The following CNTN5 variants were observed in gnomAD, a reference collection of about 807,000 sequenced individuals.
CNTN5 encodes contactin-5.
Under a neutral mutation model 129.1 loss-of-function variants are expected in CNTN5, and 77 were observed. That is an observed-to-expected ratio of 0.60 (90% CI 0.50 to 0.72). CNTN5 has a LOEUF of 0.72. CNTN5 is among the 30% of genes least tolerant of loss of function. The pLI is 0.00. For missense variants in CNTN5, 1,478 were observed against 1,328.8 expected (o/e 1.11, Z -1.75); for synonymous variants, 509 against 465.6 (o/e 1.09, Z -1.20).
chr11:99,322,642 G>A (rs1267203023), intron 1 of CNTN5, among the ~76,000 whole-genome samples: 1 of 152,004 alleles, frequency 6.6e-6, no homozygotes, highest in Non-Finnish European at 1.5e-5. Flanking sequence ...AACACATTAA[G>A]AATAGAAAAT....
At chr11:99,694,572 A>C (rs115767208) in intron 3 of CNTN5, among the ~76,000 whole-genome samples, 1 of 152,098 alleles carries the variant, frequency 6.6e-6, no homozygotes, top group Non-Finnish European at 1.5e-5. Context: ...CAGAATATGC[A>C]GGTTTGTTAC....
At chr11:100,260,665 C>T (rs987950504) in intron 17 of CNTN5, among the ~76,000 whole-genome samples, 1 of 152,118 alleles carries the variant, frequency 6.6e-6, no homozygotes, top group African/African-American at 2.4e-5. Flanking sequence ...AAACATAATC[C>T]ATCACATAAA....
chr11:100,112,723 T>C (rs904388768), intron 13 of CNTN5, among the ~76,000 whole-genome samples: 1 of 152,160 alleles, frequency 6.6e-6, no homozygotes, highest in Non-Finnish European at 1.5e-5. Context: ...CATTTTGAGA[T>C]TGATAAAATG....
chr11:100,033,661 A>G (rs1045751779), intron 9 of CNTN5, among the ~76,000 whole-genome samples: 1 of 152,164 alleles, frequency 6.6e-6, no homozygotes, highest in Non-Finnish European at 1.5e-5. Context: ...TTCATTGTCT[A>G]TATGCCTCTA....
At chr11:99,083,072 A>G (rs1865873277) in intron 1 of CNTN5, among the ~76,000 whole-genome samples, 1 of 152,106 alleles carries the variant, frequency 6.6e-6, no homozygotes, top group African/African-American at 2.4e-5. Flanking sequence ...AAGACATTAG[A>G]TAAAGCCAGA....
chr11:100,127,511 T>G (rs1279424927), intron 13 of CNTN5, among the ~76,000 whole-genome samples: 1 of 152,066 alleles, frequency 6.6e-6, no homozygotes, highest in Non-Finnish European at 1.5e-5. Flanking sequence ...TGATGGAGTT[T>G]TCATTCCCTG....
chr11:99,789,183 A>G (rs1591181693), intron 3 of CNTN5, among the ~76,000 whole-genome samples: 1 of 151,966 alleles, frequency 6.6e-6, no homozygotes, highest in Non-Finnish European at 1.5e-5. Flanking sequence ...AGATATAAAA[A>G]CAATACAAAT....
At chr11:99,976,428 A>G (rs1937977871) in intron 8 of CNTN5, among the ~76,000 whole-genome samples, 1 of 152,144 alleles carries the variant, frequency 6.6e-6, no homozygotes, top group Non-Finnish European at 1.5e-5. Flanking sequence ...TCCCCTTTGC[A>G]TTGCCCAGTA....
chr11:100,224,942 T>A, intron 16 of CNTN5, 130 bp downstream of exon 16: 1 of 927,024 alleles, frequency 1.1e-6, no homozygotes, highest in South Asian at 3.3e-5. Context: ...ATATGTTATT[T>A]TCGCTTAACC....
intron 2 of CNTN5, among the ~76,000 whole-genome samples, chr11:99,336,834 A>T (rs1040310443): frequency 5.9e-5 from 9 of 152,136 alleles, no homozygotes; most frequent in South Asian, 2.1e-4. Flanking sequence ...TCTCAAAAAA[A>T]AAGAAAAAAA....
At chr11:99,185,193 G>T (rs1220709593) in intron 1 of CNTN5, among the ~76,000 whole-genome samples, 1 of 151,766 alleles carries the variant, frequency 6.6e-6, no homozygotes, top group Non-Finnish European at 1.5e-5. Context: ...GTAATATTTG[G>T]AAGGATATTG....
intron 2 of CNTN5, among the ~76,000 whole-genome samples, chr11:99,409,966 C>T (rs371083261): frequency 6.6e-6 from 1 of 152,080 alleles, no homozygotes; most frequent in East Asian, 1.9e-4. Context: ...TTACACTTAC[C>T]ATCGCAAGTT....
At chr11:99,256,662 T>A (rs982776902) in intron 1 of CNTN5, among the ~76,000 whole-genome samples, 1 of 152,008 alleles carries the variant, frequency 6.6e-6, no homozygotes, top group Non-Finnish European at 1.5e-5. Flanking sequence ...GCCAAAGTTT[T>A]CCTGTAAGCA....
intron 20 of CNTN5, among the ~76,000 whole-genome samples, chr11:100,303,364 TC>T (rs551316028): frequency 2.8e-4 from 42 of 151,614 alleles, no homozygotes; most frequent in Non-Finnish European, 4.9e-4. Context: ...TTAATTTTTT[TC>T]CAAGATAAAA....
intron 2 of CNTN5, among the ~76,000 whole-genome samples, chr11:99,528,467 T>C (rs977397200): frequency 5.3e-5 from 8 of 152,182 alleles, no homozygotes; most frequent in Non-Finnish European, 1.2e-4. Context: ...TCATCTGAAA[T>C]ACCATGGCAG....
At chr11:99,888,698 C>G (rs1476023376) in intron 6 of CNTN5, among the ~76,000 whole-genome samples, 8 of 152,178 alleles carry the variant, frequency 5.3e-5, no homozygotes, top group Admixed American at 4.6e-4. Context: ...AAGAAAACCT[C>G]TGTGGCAATA....
chr11:99,709,871 A>G (rs1954901263), intron 3 of CNTN5, among the ~76,000 whole-genome samples: 1 of 151,862 alleles, frequency 6.6e-6, no homozygotes. Context: ...TAGAGTTTTA[A>G]ATTAAAAAAA....
chr11:99,189,578 C>T (rs938524331), intron 1 of CNTN5, among the ~76,000 whole-genome samples: 2 of 151,556 alleles, frequency 1.3e-5, no homozygotes, highest in African/African-American at 4.8e-5. Flanking sequence ...AATTGCCATT[C>T]TGTTGAGTGT....
intron 2 of CNTN5, among the ~76,000 whole-genome samples, chr11:99,352,494 C>A (rs1159618385): frequency 6.6e-6 from 1 of 152,076 alleles, no homozygotes; most frequent in Non-Finnish European, 1.5e-5. Flanking sequence ...CATGATGAGT[C>A]AAACATACCA....
Sources: gnomAD v4.1 joint callset for allele counts (sites outside exome capture counted in the v4.1 genomes callset) on GRCh38, gnomAD v4.1.1 for gene constraint, MANE v1.5 for transcripts, NCBI Gene and HGNC (gene_info 2026-07-23, HGNC 2026-07-21) for gene names.